Variants in ITPR3 observed in about 807,000 individuals in gnomAD.
ITPR3 encodes inositol 1,4,5-trisphosphate receptor type 3.
In ITPR3, 173 loss-of-function variants were observed where a neutral mutation model predicts 293.2. That is an observed-to-expected ratio of 0.59 (90% confidence interval 0.52 to 0.67). ITPR3 has a LOEUF of 0.67. Ranked by LOEUF, ITPR3 falls within the 30% of genes least tolerant of loss-of-function variation. ITPR3 has a pLI of 0.00. For synonymous variants in ITPR3, 1,295 were observed against 1,444.4 expected (o/e 0.90, Z 2.35); for missense variants, 2,796 against 3,592.1 (o/e 0.78, Z 5.66).
chr6:33,639,692 A>AGATGGGTG (rs945703975), intron 1 of ITPR3, among the ~76,000 whole-genome samples: 2 of 151,998 alleles, frequency 1.3e-5, no homozygotes, highest in African/African-American at 4.8e-5. Flanking sequence ...CTGGATGGGT[A>AGATGGGTG]GATGGGTGGA....
At chr6:33,642,544 C>T (rs761424623) in intron 2 of ITPR3, among the ~76,000 whole-genome samples, 4 of 152,078 alleles carry the variant, frequency 2.6e-5, no homozygotes, top group Admixed American at 2.0e-4. Flanking sequence ...TGGGTGTGAC[C>T]GAGGAAGACT....
intron 2 of ITPR3, among the ~76,000 whole-genome samples, chr6:33,651,328 C>T (rs924198205): frequency 6.6e-6 from 1 of 151,372 alleles, no homozygotes; most frequent in Non-Finnish European, 1.5e-5. Flanking sequence ...GATGAAGGTA[C>T]CTTCCTCCAG....
At chr6:33,693,804 C>G (rs1765461129) in intron 56 of ITPR3, 99 bp downstream of exon 56, 1 of 1,402,408 alleles carries the variant, frequency 7.1e-7, no homozygotes, top group African/African-American at 1.4e-5. Flanking sequence ...TCTGAGTACC[C>G]TGGGCCCTGG....
At position 33,655,648 on chromosome 6, in the gene ITPR3, C is replaced by T. The variant is rs894660590; in HGVS notation, c.161-118C>T. On this transcript the variant is annotated intron_variant, in intron 2 of 57. Coordinates refer to ENST00000605930, the MANE Select transcript of ITPR3 (RefSeq NM_002224.4). The surrounding 1 kb of genome is among the most constrained non-coding windows in gnomAD (Gnocchi z 4.9). ...CCAACCGCTTCCTCTCTACCTGCAG[C>T]GGGGAACGGGGGTGGGGAAGGGTTG... 2.3e-5 allele frequency: 31 copies of T among 1,330,652 alleles called. No individual in the cohort carries two copies. The highest frequency in any genetic ancestry group is 2.4e-4 in the Middle Eastern group (1 of 4,134). 82.4% of individuals were successfully genotyped at this position (1,330,652 alleles called of 1,614,324 possible).
At chr6:33,689,933 T>C in intron 50 of ITPR3, 101 bp from the exon 51 acceptor site, 1 of 1,403,534 alleles carries the variant, frequency 7.1e-7, no homozygotes, top group South Asian at 1.3e-5. Flanking sequence ...ATTTCATTAA[T>C]GCCATGCCTC....
chr6:33,636,925 G>A (rs945594213), intron 1 of ITPR3, among the ~76,000 whole-genome samples: 11 of 152,184 alleles, frequency 7.2e-5, no homozygotes, highest in Admixed American at 2.0e-4. Flanking sequence ...CTGCCGTCCC[G>A]TCATTCTGCA....
chr6:33,669,424 T>C (rs1382761887), intron 18 of ITPR3, among the ~76,000 whole-genome samples: 3 of 152,244 alleles, frequency 2.0e-5, no homozygotes, highest in Non-Finnish European at 4.4e-5. Flanking sequence ...CAAACATGTA[T>C]ATTATTAAAA....
At chr6:33,637,695 C>G (rs923550243) in intron 1 of ITPR3, among the ~76,000 whole-genome samples, 12 of 151,740 alleles carry the variant, frequency 7.9e-5, no homozygotes, top group Admixed American at 1.3e-4. Context: ...GTGACTCGAT[C>G]TCGGCTCACT....
At position 33,677,001 on chromosome 6, in the gene ITPR3, C is replaced by G. The variant is rs1299167333; in HGVS notation, c.3448-14C>G. 6.2e-7 allele frequency: 1 copy of G among 1,614,158 alleles called. No homozygotes were observed. Among genetic ancestry groups the G allele is most frequent in the East Asian group, 2.2e-5 (1 of 44,878 alleles). ...GCTGGGCCTGGCTGATCTCCTTCCT[C>G]TCTCTGCTTTCAGCGTCCCACGGAC... On this transcript the variant is annotated splice_polypyrimidine_tract_variant and intron_variant, in intron 26 of 57. Transcript: ENST00000605930.
At position 33,674,229 on chromosome 6, in the gene ITPR3, G is replaced by A. The variant is rs1314552852; in HGVS notation, c.3080G>A (p.Arg1027His). Reference sequence around the variant, plus strand: ...ACAGCTGCCAACATGAACCTGGATCGCATCGGGGAGCAGGCGGAGGCCATG... The same window carrying A: ...ACAGCTGCCAACATGAACCTGGATCACATCGGGGAGCAGGCGGAGGCCATG... ...DSTTANMNLD[R>H]IGEQAEAMFG... Residue 1027 changes from arginine to histidine, a missense_variant, in exon 24 of 58, where the codon CGC becomes CAC. By Grantham distance (29) the Arg-to-His change is conservative. Coordinates refer to ENST00000605930, the MANE Select transcript of ITPR3 (RefSeq NM_002224.4). 8 of 1,614,056 alleles carry A rather than the reference G, an allele frequency of 5.0e-6. No individual in the cohort carries two copies. In the East Asian group the frequency reaches 6.7e-5, roughly 13 times the overall value.
chr6:33,635,394 C>T (rs1401501543), intron 1 of ITPR3, among the ~76,000 whole-genome samples: 1 of 152,186 alleles, frequency 6.6e-6, no homozygotes, highest in Non-Finnish European at 1.5e-5. Flanking sequence ...CTTTACTGCA[C>T]AGCTAGTAAA....
Position 33,685,646 on chromosome 6 carries a change from G to T in ITPR3, c.5486G>T (p.Arg1829Leu), listed in dbSNP as rs771707607. The change falls in exon 41 of 58, where the codon CGC becomes CTC. Residue 1829 changes from arginine (R) to leucine (L), a missense_variant. By Grantham distance (102) the Arg-to-Leu change is moderately radical (BLOSUM62 -2). Coordinates refer to ENST00000605930, the MANE Select transcript of ITPR3 (RefSeq NM_002224.4). The stretch of plus-strand genomic sequence containing the variant: ...CCTCACCAGGTCTCGCCCACAGGCC[G>T]CGTGGCCTCCTTCTCGATACCTGGC... Reference protein sequence around the residue: ...REPVDPTTKGRVASFSIPGSS... With the variant: ...REPVDPTTKGLVASFSIPGSS... 1.3e-6 allele frequency: 2 copies of T among 1,583,730 alleles called. No individual in the cohort carries two copies. Among genetic ancestry groups the T allele is most frequent in the South Asian group, 2.3e-5 (2 of 86,676 alleles).
At position 33,658,840 on chromosome 6, in the gene ITPR3, G is replaced by A; in HGVS notation, c.528+12G>A. On this transcript the variant is annotated intron_variant, in intron 5 of 57. Coordinates refer to ENST00000605930, the MANE Select transcript of ITPR3 (RefSeq NM_002224.4). The surrounding 1 kb of genome is among the most constrained non-coding windows in gnomAD (Gnocchi z 6.1). ...GCAACGGGGACAACGTGAGGGCAGG[G>A]CCAGGGTTGGAGGGGCCTGGTGGAA... The A allele has an allele frequency of 6.2e-7, 1 of 1,613,894 alleles. No homozygotes were observed. The highest frequency in any genetic ancestry group is 1.3e-5 in the African/African-American group (1 of 75,050).
intron 3 of ITPR3, among the ~76,000 whole-genome samples, chr6:33,656,496 A>G (rs1435842900): frequency 6.6e-6 from 1 of 151,554 alleles, no homozygotes; most frequent in African/African-American, 2.4e-5. Flanking sequence ...TGGGGCCCTT[A>G]GATGGGACTG....
rs75810069 is a variant in ITPR3, at chr6:33,692,877, G to A, written c.7608G>A (p.Thr2536=). The A allele has an allele frequency of 1.8e-3, 2,903 of 1,614,098 alleles. 16 individuals are homozygous for A. Among genetic ancestry groups the A allele is most frequent in the Middle Eastern group, 0.015 (90 of 6,060 alleles). The change falls in exon 55 of 58, where the codon ACG becomes ACA. Residue 2536 remains threonine (T), a synonymous_variant. Transcript: ENST00000605930. The surrounding 1 kb of genome is among the most constrained non-coding windows in gnomAD (Gnocchi z 4.2). Reference sequence around the variant, plus strand: ...AGAAGAAGGAGGAGATTCTTAAGACGACATGCTTCATCTGTGGTGAGGGCT... The same window carrying A: ...AGAAGAAGGAGGAGATTCTTAAGACAACATGCTTCATCTGTGGTGAGGGCT... The part of the protein sequence containing the change: ...EKQKKEEILK[T]TCFICGLERD...
intron 18 of ITPR3, 77 bp downstream of exon 18, chr6:33,669,233 T>A: frequency 6.8e-7 from 1 of 1,465,636 alleles, no homozygotes; most frequent in Non-Finnish European, 9.3e-7. Flanking sequence ...CAATCCCTGC[T>A]GAGGATGAGC....
At chr6:33,631,616 A>C (rs139073436) in intron 1 of ITPR3, among the ~76,000 whole-genome samples, 84 of 152,340 alleles carry the variant, frequency 5.5e-4, no homozygotes, top group African/African-American at 1.9e-3. Flanking sequence ...GGACCATTGA[A>C]GCACAGCACC....
At chr6:33,628,052 C>A (rs953941856) in intron 1 of ITPR3, among the ~76,000 whole-genome samples, 1 of 152,350 alleles carries the variant, frequency 6.6e-6, no homozygotes, top group African/African-American at 2.4e-5. Context: ...TATCCCCTCC[C>A]TAGCTTGGCC....
In ITPR3 at chr6:33,654,226, T is replaced by C. The variant is rs1232366132; in HGVS notation, c.161-1540T>C. 6.6e-6 allele frequency among the ~76,000 whole-genome samples: 1 copy of C among 151,886 alleles called. No individual in the cohort carries two copies. The highest frequency in any genetic ancestry group is 2.4e-5 in the African/African-American group (1 of 41,338). On this transcript the variant is annotated intron_variant, in intron 2 of 57. Transcript: ENST00000605930. The surrounding 1 kb of genome is among the most constrained non-coding windows in gnomAD (Gnocchi z 4.1). ...GAGGTTGCAGTGAGCCGAGATTGCA[T>C]CACTGCACTCCAGCCTGAGCTACAG...
Sources: allele counts gnomAD v4.1 joint callset (sites outside exome capture counted in the v4.1 genomes callset), GRCh38; gene constraint gnomAD v4.1.1; non-coding constraint Gnocchi (gnomAD v3.1); transcripts MANE v1.5; gene names NCBI Gene and HGNC (gene_info 2026-07-23, HGNC 2026-07-21).